Variants in MTUS2 observed in about 807,000 individuals in gnomAD.
MTUS2 encodes the protein microtubule-associated tumor suppressor candidate 2.
In MTUS2, 40 loss-of-function variants were observed where a neutral mutation model predicts 114.1. The ratio of observed to expected loss-of-function variants is 0.35; its 90% confidence interval spans 0.27 to 0.46. The LOEUF is 0.46. Ranked by LOEUF, MTUS2 falls within the 20% of genes least tolerant of loss-of-function variation. The pLI is 1.00. For synonymous variants in MTUS2, 688 were observed against 672.0 expected, an observed-to-expected ratio of 1.02 and a Z score of -0.37; for missense variants, 1,679 against 1,705.4, an observed-to-expected ratio of 0.98 and a Z score of 0.27.
At position 29,291,655 on chromosome 13, in the gene MTUS2, G is replaced by A. The variant is rs193022666; in HGVS notation, c.2806+9790G>A. ...CTGCTGACCTCATGAGATGGTTGAG[G>A]TCGTAGGGCTCGCTCGTTTAGAATA... On this transcript the variant is annotated intron_variant, in intron 6 of 15. Transcript: ENST00000612955. Among the ~76,000 whole-genome samples, 117 of 152,282 alleles carry A rather than the reference G, an allele frequency of 7.7e-4. 1 individual carries two copies. The highest frequency in any genetic ancestry group is 2.3e-3 in the Admixed American group (35 of 15,300).
chr13:29,288,178 T>C (rs1312810810), intron 6 of MTUS2, among the ~76,000 whole-genome samples: 1 of 152,152 alleles, frequency 6.6e-6, no homozygotes, highest in Non-Finnish European at 1.5e-5. Context: ...TAAGGAAAGT[T>C]TTAAGTTGGA....
At chr13:28,944,640 G>A (rs1456312206) in intron 2 of MTUS2, among the ~76,000 whole-genome samples, 1 of 152,156 alleles carries the variant, frequency 6.6e-6, no homozygotes, top group Non-Finnish European at 1.5e-5. Context: ...AAGTATCTGT[G>A]TTTTGTAAAT....
At chr13:28,903,837 A>C (rs1879805177) in intron 2 of MTUS2, among the ~76,000 whole-genome samples, 1 of 151,540 alleles carries the variant, frequency 6.6e-6, no homozygotes, top group African/African-American at 2.4e-5. Flanking sequence ...GAATCGCCAC[A>C]CTGACTTCCA....
At chr13:28,873,185 T>G (rs894844412) in intron 2 of MTUS2, among the ~76,000 whole-genome samples, 1 of 152,192 alleles carries the variant, frequency 6.6e-6, no homozygotes, top group African/African-American at 2.4e-5. Context: ...TGTGGAGATG[T>G]GGGATTGAAT....
intron 5 of MTUS2, among the ~76,000 whole-genome samples, chr13:29,169,333 G>A (rs187809318): frequency 1.0e-3 from 155 of 152,258 alleles, no homozygotes; most frequent in Non-Finnish European, 1.9e-3. Context: ...TTATGCGTAG[G>A]TAAGACAGCT....
At chr13:28,825,728 G>C (rs958100105) in intron 1 of MTUS2, among the ~76,000 whole-genome samples, 3 of 152,164 alleles carry the variant, frequency 2.0e-5, no homozygotes, top group African/African-American at 7.2e-5. Flanking sequence ...AACCAGGATG[G>C]GATAGCTGTT....
At chr13:29,005,619 G>A (rs574905451) in intron 2 of MTUS2, among the ~76,000 whole-genome samples, 4 of 152,200 alleles carry the variant, frequency 2.6e-5, no homozygotes, top group Non-Finnish European at 2.9e-5. Flanking sequence ...CACAGGCAGA[G>A]AAAGTGCAGC....
At chr13:29,433,440 G>A (rs1203802350) in intron 8 of MTUS2, among the ~76,000 whole-genome samples, 4 of 152,018 alleles carry the variant, frequency 2.6e-5, no homozygotes, top group African/African-American at 9.7e-5. Context: ...AAACACAGAG[G>A]CCCTAGTGTT....
At chr13:29,001,908 C>T (rs1396522929) in intron 2 of MTUS2, among the ~76,000 whole-genome samples, 1 of 152,124 alleles carries the variant, frequency 6.6e-6, no homozygotes, top group Non-Finnish European at 1.5e-5. Context: ...GAAGGGGCTA[C>T]AGCTAAGCAT....
chr13:29,179,162 C>G (rs1893895937), intron 5 of MTUS2, among the ~76,000 whole-genome samples: 1 of 152,150 alleles, frequency 6.6e-6, no homozygotes, highest in Admixed American at 6.5e-5. Flanking sequence ...ATGTTTATGG[C>G]CGATCCATGA....
chr13:28,999,985 G>A (rs1055645534), intron 2 of MTUS2, among the ~76,000 whole-genome samples: 8 of 152,270 alleles, frequency 5.3e-5, no homozygotes, highest in Admixed American at 5.2e-4. Context: ...GTATTCCATT[G>A]TGTATATCTA....
intron 5 of MTUS2, among the ~76,000 whole-genome samples, chr13:29,204,572 G>A (rs1474715540): frequency 6.6e-6 from 1 of 152,194 alleles, no homozygotes; most frequent in Non-Finnish European, 1.5e-5. Flanking sequence ...TTCCCATTGA[G>A]ATAGATGACT....
At chr13:28,956,473 A>T (rs542733788) in intron 2 of MTUS2, among the ~76,000 whole-genome samples, 4 of 152,236 alleles carry the variant, frequency 2.6e-5, no homozygotes, top group African/African-American at 9.6e-5. Context: ...CATCCCAGTA[A>T]AACTTGGTTG....
At chr13:28,862,108 A>ACC (rs1480776758) in intron 2 of MTUS2, among the ~76,000 whole-genome samples, 1 of 152,202 alleles carries the variant, frequency 6.6e-6, no homozygotes, top group African/African-American at 2.4e-5. Flanking sequence ...CCTTGGCCTC[A>ACC]CACATGAATA....
chr13:29,227,833 T>C (rs1269722491), intron 5 of MTUS2, among the ~76,000 whole-genome samples: 2 of 152,208 alleles, frequency 1.3e-5, no homozygotes. Context: ...AGAAAACACA[T>C]GCCATAGAGA....
At chr13:29,488,152 G>A (rs1881771922) in intron 11 of MTUS2, 147 bp downstream of exon 11, 2 of 635,396 alleles carry the variant, frequency 3.1e-6, no homozygotes, top group East Asian at 2.8e-5. Flanking sequence ...TGGCTCCTGG[G>A]AAAAGAAGAG....
chr13:29,402,612 C>T (rs186718257), intron 8 of MTUS2, among the ~76,000 whole-genome samples: 13 of 152,220 alleles, frequency 8.5e-5, no homozygotes, highest in Non-Finnish European at 1.2e-4. Context: ...CTCAGCAGGG[C>T]CCCTGCTTGA....
chr13:29,246,212 A>G (rs1484276475), intron 5 of MTUS2, among the ~76,000 whole-genome samples: 1 of 152,162 alleles, frequency 6.6e-6, no homozygotes, highest in Non-Finnish European at 1.5e-5. Flanking sequence ...GTTCTGACCC[A>G]GGGGGTGATT....
rs754312716 is a variant in MTUS2, at chr13:29,024,766, G to A, written c.68G>A (p.Arg23Lys). The change falls in exon 3 of 16, where the codon AGA becomes AAA. Residue 23 changes from arginine (R) to lysine (K), a missense_variant. This residue lies in a region of MTUS2 where 843 missense variants were observed against 770.8 expected (regional missense o/e 1.09). Transcript: ENST00000612955. ...TQLRDNRNAA[R>K]NNNESILSLG... The stretch of plus-strand genomic sequence containing the variant: ...TTGCGGGACAACAGAAATGCAGCAA[G>A]AAATAATAATGAAAGCATCTTAAGT... 6 of 1,613,982 alleles carry A rather than the reference G, an allele frequency of 3.7e-6. No individual in the cohort carries two copies. The highest frequency in any genetic ancestry group is 5.1e-6 in the Non-Finnish European group (6 of 1,179,892).
Sources: allele counts gnomAD v4.1 joint callset (sites outside exome capture counted in the v4.1 genomes callset), GRCh38; gene constraint gnomAD v4.1.1; regional missense constraint gnomAD v4.1.1; transcripts MANE v1.5; gene names NCBI Gene and HGNC (gene_info 2026-07-23, HGNC 2026-07-21).